The following TANC2 variants were observed in gnomAD, a reference collection of about 807,000 sequenced individuals.
TANC2 encodes protein TANC2.
TANC2 carries 26 observed loss-of-function variants against 210.5 expected under a neutral mutation model. The observed-to-expected ratio is 0.12, with a 90% CI of 0.09 to 0.17. The LOEUF (loss-of-function observed/expected upper bound fraction) is 0.17. TANC2 is among the 10% of genes least tolerant of loss of function. The pLI is 1.00. For missense variants in TANC2, 2,129 were observed against 2,608.9 expected (o/e 0.82, Z 4.01); for synonymous variants, 931 against 967.1 (o/e 0.96, Z 0.69).
intron 7 of TANC2, among the ~76,000 whole-genome samples, chr17:63,208,919 A>G (rs1182851900): frequency 1.3e-5 from 2 of 152,156 alleles, no homozygotes; most frequent in Non-Finnish European, 2.9e-5. Context: ...ATATACAACC[A>G]TATTGTTTGC....
At chr17:63,024,005 T>A (rs879259157) in intron 2 of TANC2, among the ~76,000 whole-genome samples, 1 of 152,226 alleles carries the variant, frequency 6.6e-6, no homozygotes. Context: ...TTTTTATTGT[T>A]GTTTTAATAT....
At chr17:63,257,970 C>G (rs1191855459) in intron 8 of TANC2, among the ~76,000 whole-genome samples, 2 of 152,144 alleles carry the variant, frequency 1.3e-5, no homozygotes, top group African/African-American at 4.8e-5. Flanking sequence ...AAGATAATTT[C>G]TTATTGCTCA....
At chr17:63,044,137 A>C (rs73991878) in intron 2 of TANC2, among the ~76,000 whole-genome samples, 2 of 152,104 alleles carry the variant, frequency 1.3e-5, no homozygotes, top group Admixed American at 1.3e-4. Flanking sequence ...TAGTTCTCCA[A>C]ATAAAACATG....
At chr17:63,417,453 G>T (rs1237301478) in intron 26 of TANC2, among the ~76,000 whole-genome samples, 3 of 152,122 alleles carry the variant, frequency 2.0e-5, no homozygotes, top group Non-Finnish European at 2.9e-5. Context: ...GTTTCCAGGG[G>T]TTCTCAGGAA....
At chr17:63,175,785 C>T (rs766665941) in intron 5 of TANC2, among the ~76,000 whole-genome samples, 1 of 152,056 alleles carries the variant, frequency 6.6e-6, no homozygotes, top group Non-Finnish European at 1.5e-5. Flanking sequence ...ACCCTTGATC[C>T]AAAATAAATA....
At position 63,413,692 on chromosome 17, in the gene TANC2, T is replaced by C. The variant is rs967742557; in HGVS notation, c.4020+58T>C. 17 of 1,440,098 alleles carry C rather than the reference T, an allele frequency of 1.2e-5. No individual in the cohort carries two copies. In the African/African-American group the frequency reaches 1.8e-4, roughly 16 times the overall value. 89.2% of individuals were successfully genotyped at this position (1,440,098 alleles called of 1,614,324 possible). A position where few individuals can be genotyped will look rare whatever the true frequency, so the allele number is the denominator to read the frequency against. The stretch of plus-strand genomic sequence containing the variant: ...ACAGCCACTGACTGTTTTCCATGTG[T>C]AGAATCTTACAAAGTCTTGATAATT... On this transcript the variant is annotated intron_variant, in intron 25 of 27. Coordinates refer to ENST00000689528, the Ensembl canonical transcript of TANC2.
chr17:63,163,483 G>A (rs1286926093), intron 5 of TANC2, among the ~76,000 whole-genome samples: 1 of 152,154 alleles, frequency 6.6e-6, no homozygotes, highest in Non-Finnish European at 1.5e-5. Flanking sequence ...GAAACTACAA[G>A]AAGGAAGGAC....
chr17:63,296,465 C>G (rs1028734281), intron 9 of TANC2, among the ~76,000 whole-genome samples: 2 of 152,128 alleles, frequency 1.3e-5, no homozygotes, highest in African/African-American at 4.8e-5. Flanking sequence ...TCCAGACTTA[C>G]CACATTATAA....
rs1418004707 is a variant in TANC2, at chr17:63,412,859, T to A, written c.3928+150T>A. On this transcript the variant is annotated intron_variant, in intron 24 of 27. Transcript: ENST00000689528. The surrounding 1 kb of genome is among the most constrained non-coding windows in gnomAD (Gnocchi z 4.2). The stretch of plus-strand genomic sequence containing the variant: ...AGAAGATTTTTTTTAATGACTGTTG[T>A]AGAGAATAACTTGAACTTTTGATAA... 3.3e-5 allele frequency: 32 copies of A among 961,082 alleles called. No homozygotes were observed. The highest frequency in any genetic ancestry group is 3.0e-6 in the Non-Finnish European group (2 of 672,438). 59.5% of individuals were successfully genotyped at this position (961,082 alleles called of 1,614,324 possible).
chr17:63,210,066 A>G (rs1266071373), intron 7 of TANC2, among the ~76,000 whole-genome samples: 1 of 152,196 alleles, frequency 6.6e-6, no homozygotes, highest in Non-Finnish European at 1.5e-5. Context: ...TATATCCATG[A>G]GTGAGATGTG....
At chr17:63,099,506 C>G in intron 4 of TANC2, 149 bp downstream of exon 4, 1 of 417,366 alleles carries the variant, frequency 2.4e-6, no homozygotes, top group Non-Finnish European at 4.1e-6. Flanking sequence ...AAAAAAAACT[C>G]CAACTGATTT....
intron 18 of TANC2, among the ~76,000 whole-genome samples, 166 bp from the exon 19 acceptor site, chr17:63,398,655 A>G (rs746960184): frequency 5.9e-5 from 9 of 152,212 alleles, no homozygotes; most frequent in Non-Finnish European, 1.2e-4. Flanking sequence ...AATGCTCATC[A>G]TGGAAGCTGT....
At chr17:63,393,772 TA>T (rs201772032) in intron 17 of TANC2, among the ~76,000 whole-genome samples, 6,299 of 127,070 alleles carry the variant, frequency 0.05, 205 homozygotes, top group Non-Finnish European at 0.079. Context: ...TTATTATTAT[TA>T]TTATTTTTTT....
chr17:63,363,696 T>C (rs966721746), intron 14 of TANC2, among the ~76,000 whole-genome samples: 7 of 152,234 alleles, frequency 4.6e-5, no homozygotes, highest in African/African-American at 1.4e-4. Context: ...TTCTAGGCTC[T>C]CTATTCTGTT....
At chr17:63,365,775 ACTC>A (rs1321139318) in intron 14 of TANC2, among the ~76,000 whole-genome samples, 4 of 151,340 alleles carry the variant, frequency 2.6e-5, no homozygotes, top group Non-Finnish European at 5.9e-5. Flanking sequence ...AAGATCTCTC[ACTC>A]CTCCTTCAGA....
chr17:62,991,375 A>G (rs2032853767), intron 1 of TANC2, among the ~76,000 whole-genome samples: 1 of 152,136 alleles, frequency 6.6e-6, no homozygotes, highest in Admixed American at 6.5e-5. Context: ...AGGGTGGCTC[A>G]TGCCTGTAAT....
At position 63,125,444 on chromosome 17, in the gene TANC2, A is replaced by G. The variant is rs543190002; in HGVS notation, c.323-25826A>G. Among the ~76,000 whole-genome samples the G allele has an allele frequency of 2.0e-5, 3 of 151,354 alleles. No homozygotes were observed. The South Asian group carries it at 6.2e-4, about 31-fold the overall frequency. On this transcript the variant is annotated intron_variant, in intron 4 of 27. Coordinates refer to ENST00000689528, the Ensembl canonical transcript of TANC2. ...AGAAGGGAAGCCGTTTTTTACCTTT[A>G]CTAGGTAGGCTGAGTTTTTTAAGTG...
At chr17:63,029,354 G>A (rs1743682764) in intron 2 of TANC2, among the ~76,000 whole-genome samples, 2 of 152,052 alleles carry the variant, frequency 1.3e-5, no homozygotes, top group Admixed American at 1.3e-4. Flanking sequence ...GTGTTACTTG[G>A]AACAGAAATA....
chr17:63,381,636 T>C lies in TANC2; in HGVS notation c.2691+1810T>C, dbSNP rs2047612858. The C allele has an allele frequency of 2.0e-5, 3 of 152,232 alleles. 1 individual carries two copies. In the South Asian group the frequency reaches 6.2e-4, roughly 31 times the overall value. 9.4% of individuals were successfully genotyped at this position (152,232 alleles called of 1,614,324 possible). On this transcript the variant is annotated intron_variant, in intron 15 of 27. Transcript: ENST00000689528. ...TCTGGTTTTATATTCATAAAGGTGA[T>C]GTTTGTAAATAACCCGCTTTAAAGA...
Sources: gnomAD v4.1 joint callset for allele counts (sites outside exome capture counted in the v4.1 genomes callset) on GRCh38, gnomAD v4.1.1 for gene constraint, Gnocchi (gnomAD v3.1) non-coding constraint, MANE v1.5 for transcripts, NCBI Gene and HGNC (gene_info 2026-07-23, HGNC 2026-07-21) for gene names.